The following BBS12 variants were observed in gnomAD, a reference collection of about 807,000 sequenced individuals.
BBS12 encodes the protein chaperonin-containing T-complex member BBS12.
BBS12 carries 5 observed loss-of-function variants against 5.6 expected under a neutral mutation model. The ratio of observed to expected loss-of-function variants is 0.89; its 90% CI spans 0.46 to 1.86. The LOEUF (loss-of-function observed/expected upper bound fraction) is 1.86, where lower values mean the gene tolerates loss of function less well. Among genes scored for constraint, BBS12 ranks in the 40% most tolerant of loss-of-function variants. The pLI, the probability that BBS12 is intolerant of heterozygous loss-of-function variation, is 0.01. For synonymous variants in BBS12, 308 were observed against 306.8 expected, an observed-to-expected ratio of 1.00 and a Z score of -0.04; for missense variants, 748 against 830.4, an observed-to-expected ratio of 0.90 and a Z score of 1.22.
intron 1 of BBS12, among the ~76,000 whole-genome samples, chr4:122,735,184 C>A (rs1282671303): frequency 6.6e-6 from 1 of 152,060 alleles, no homozygotes; most frequent in African/African-American, 2.4e-5. Context: ...TTAGAGAAGT[C>A]CTGATAGGAA....
the BBS12 span, among the ~76,000 whole-genome samples, chr4:122,725,532 A>C: frequency 6.6e-6 from 1 of 152,300 alleles, no homozygotes; most frequent in African/African-American, 2.4e-5. Context: ...CCTAATCAAC[A>C]AATGGTGCTG....
chr4:122,716,678 T>TGCAC, the BBS12 span, among the ~76,000 whole-genome samples: 456 of 81,144 alleles, frequency 5.6e-3, 7 homozygotes, highest in African/African-American at 0.021. Context: ...TATGTGTATA[T>TGCAC]ATACACATAT....
chr4:122,740,372 G>A (rs1366086422), intron 1 of BBS12, among the ~76,000 whole-genome samples: 1 of 152,206 alleles, frequency 6.6e-6, no homozygotes, highest in Non-Finnish European at 1.5e-5. Flanking sequence ...CGAAAGCTAT[G>A]TCAAGCATTC....
rs745730010 is a variant in BBS12, at chr4:122,744,826, T to G, written c.*801T>G. On this transcript the variant is annotated 3_prime_UTR_variant, in exon 2 of 2. Coordinates refer to ENST00000314218, the MANE Select transcript of BBS12 (RefSeq NM_152618.3). Reference sequence around the variant, plus strand: ...CAGTCCTGTCCCCCAAGGTCTTGACTCAATCAACTCTAAGTTCCAAGGGAG... The same window carrying G: ...CAGTCCTGTCCCCCAAGGTCTTGACGCAATCAACTCTAAGTTCCAAGGGAG... 1 of 167,088 alleles carries G rather than the reference T, an allele frequency of 6.0e-6. No individual in the cohort carries two copies. Among genetic ancestry groups the G allele is most frequent in the African/African-American group, 2.4e-5 (1 of 41,436 alleles). The allele number at this position is 167,088 out of a possible 1,614,324, so 10.4% of individuals were successfully genotyped here. A position where few individuals can be genotyped will look rare whatever the true frequency, so the allele number is the denominator to read the frequency against.
intron 1 of BBS12, 47 bp from the exon 2 acceptor site, chr4:122,741,836 C>A: frequency 6.7e-7 from 1 of 1,491,098 alleles, no homozygotes; most frequent in Non-Finnish European, 9.3e-7. Context: ...GCATTTATAA[C>A]TATGAATTAT....
At chr4:122,709,805 C>A in the BBS12 span, among the ~76,000 whole-genome samples, 1 of 152,044 alleles carries the variant, frequency 6.6e-6, no homozygotes. Context: ...CAGGCGTATG[C>A]CACCACACCT....
chr4:122,708,910 A>G, the BBS12 span, among the ~76,000 whole-genome samples: 1 of 152,216 alleles, frequency 6.6e-6, no homozygotes, highest in East Asian at 1.9e-4. Flanking sequence ...GCTCATTGTT[A>G]TAACTATCAA....
At chr4:122,716,821 G>C in the BBS12 span, among the ~76,000 whole-genome samples, 21 of 151,748 alleles carry the variant, frequency 1.4e-4, no homozygotes, top group African/African-American at 4.6e-4. Context: ...TGAAACTCCT[G>C]ACTTTTCATT....
At chr4:122,711,738 T>C in the BBS12 span, among the ~76,000 whole-genome samples, 2 of 152,230 alleles carry the variant, frequency 1.3e-5, no homozygotes, top group Non-Finnish European at 2.9e-5. Context: ...TACCTTGCTG[T>C]CTTTATTTGG....
the BBS12 span, among the ~76,000 whole-genome samples, chr4:122,701,378 C>T: frequency 3.3e-5 from 5 of 152,140 alleles, no homozygotes; most frequent in Non-Finnish European, 7.3e-5. Context: ...TGAAGATTTA[C>T]ATTCCAAATA....
the BBS12 span, among the ~76,000 whole-genome samples, chr4:122,715,517 G>T: frequency 6.6e-6 from 1 of 152,134 alleles, no homozygotes; most frequent in African/African-American, 2.4e-5. Context: ...TTGGCAGGAA[G>T]AGTGCGTTTT....
At chr4:122,716,728 C>T in the BBS12 span, among the ~76,000 whole-genome samples, 4 of 57,146 alleles carry the variant, frequency 7.0e-5, 1 homozygote, top group Admixed American at 2.0e-4. Flanking sequence ...TGTGTATATA[C>T]ACACACACGT....
intron 1 of BBS12, chr4:122,733,905 C>A (rs1800745399): frequency 8.2e-6 from 1 of 122,130 alleles, no homozygotes. Flanking sequence ...TTCCTGAAGG[C>A]AGGAGAGGAA....
the BBS12 span, among the ~76,000 whole-genome samples, chr4:122,723,413 A>G: frequency 6.6e-6 from 1 of 152,240 alleles, no homozygotes; most frequent in African/African-American, 2.4e-5. Context: ...TTTCTTAAAT[A>G]ATTACAGAAG....
At chr4:122,738,579 T>G (rs1800820631) in intron 1 of BBS12, among the ~76,000 whole-genome samples, 3 of 152,180 alleles carry the variant, frequency 2.0e-5, no homozygotes, top group African/African-American at 7.2e-5. Flanking sequence ...GAAACTGACT[T>G]ACAGAATGAG....
chr4:122,723,486 T>C, the BBS12 span, among the ~76,000 whole-genome samples: 1 of 152,204 alleles, frequency 6.6e-6, no homozygotes, highest in Non-Finnish European at 1.5e-5. Flanking sequence ...GACTTGACTG[T>C]GATCCATCCA....
At chr4:122,716,678 T>TGC in the BBS12 span, among the ~76,000 whole-genome samples, 54 of 81,262 alleles carry the variant, frequency 6.6e-4, 1 homozygote, top group South Asian at 6.6e-3. Context: ...TATGTGTATA[T>TGC]ATACACATAT....
chr4:122,741,322 G>A (rs1800867811), intron 1 of BBS12, among the ~76,000 whole-genome samples: 3 of 152,170 alleles, frequency 2.0e-5, no homozygotes, highest in African/African-American at 2.4e-5. Flanking sequence ...AAGTAGCTGG[G>A]ACTACAGGTG....
rs143960329 is a variant in BBS12 at position 122,742,104 on chromosome 4, A to G, written c.212A>G (p.Asn71Ser). 670 of 1,614,174 alleles carry G rather than the reference A, an allele frequency of 4.2e-4. No individual in the cohort carries two copies. In the African/African-American group the frequency reaches 6.9e-3, roughly 17 times the overall value. ...ACCAGTGCAGTGGGACAACTTCTCA[A>G]TGAAGCAGTTCAAGCACAAAACAAC... ...DLTSAVGQLL[N>S]EAVQAQNNTY... Residue 71 changes from asparagine (N) to serine (S), a missense_variant, in exon 2 of 2, where the codon AAT (asparagine) becomes AGT (serine). Physicochemically the swap from Asn to Ser is conservative, Grantham distance 46. Coordinates refer to ENST00000314218, the MANE Select transcript of BBS12 (RefSeq NM_152618.3).
Sources: allele counts gnomAD v4.1 joint callset (sites outside exome capture counted in the v4.1 genomes callset), GRCh38; gene constraint gnomAD v4.1.1; transcripts MANE v1.5; gene names NCBI Gene and HGNC (gene_info 2026-07-23, HGNC 2026-07-21).